PHACTR3: variants seen among roughly 807,000 people sequenced by gnomAD.
PHACTR3 encodes the protein protein phosphatase 1, regulatory subunit 123.
A neutral mutation model predicts 66.8 loss-of-function variants in PHACTR3; 16 were observed. The observed-to-expected ratio is 0.24, with a 90% CI of 0.16 to 0.36. The LOEUF (loss-of-function observed/expected upper bound fraction) is 0.36, where lower values mean the gene tolerates loss of function less well. Among genes scored for constraint, PHACTR3 ranks in the 10% least tolerant of loss-of-function variants. PHACTR3 has a pLI of 1.00. For missense variants in PHACTR3, 647 were observed against 719.9 expected (o/e 0.90, Z 1.16); for synonymous variants, 323 against 292.1 (o/e 1.11, Z -1.08).
At chr20:59,730,959 T>C (rs1404305512) in intron 1 of PHACTR3, among the ~76,000 whole-genome samples, 1 of 152,104 alleles carries the variant, frequency 6.6e-6, no homozygotes, top group African/African-American at 2.4e-5. Flanking sequence ...GAGGGACGCA[T>C]TTTCAAAACA....
chr20:59,635,400 AT>A lies in PHACTR3; in HGVS notation c.118+30275del, dbSNP rs548849458. On this transcript the variant is annotated intron_variant, in intron 1 of 12. Coordinates refer to ENST00000371015, the MANE Select transcript of PHACTR3 (RefSeq NM_080672.5). The stretch of plus-strand genomic sequence containing the variant: ...GGGCGTGCACCACCACACTCGGCTA[AT>A]TTTTTTGTATTTATTAGAGACGGGG... Among the ~76,000 whole-genome samples the A allele has an allele frequency of 1.3e-3, 202 of 150,920 alleles. 1 individual carries two copies. The highest frequency in any genetic ancestry group is 4.4e-3 in the African/African-American group (180 of 41,054).
At chr20:59,585,792 A>G (rs1431554719) in intron 1 of PHACTR3, among the ~76,000 whole-genome samples, 1 of 152,150 alleles carries the variant, frequency 6.6e-6, no homozygotes, top group African/African-American at 2.4e-5. Context: ...TCCTTTAAGT[A>G]CTGTCGCTCT....
intron 7 of PHACTR3, among the ~76,000 whole-genome samples, chr20:59,791,839 C>T (rs1260556809): frequency 1.3e-5 from 2 of 150,328 alleles, no homozygotes; most frequent in African/African-American, 4.9e-5. Context: ...TTTTTGCAAA[C>T]AGGTGGTATA....
In PHACTR3 at chr20:59,685,813, G is replaced by A. The variant is rs186213836; in HGVS notation, c.119-57294G>A. On this transcript the variant is annotated intron_variant, in intron 1 of 12. Coordinates refer to ENST00000371015, the MANE Select transcript of PHACTR3 (RefSeq NM_080672.5). Reference sequence around the variant, plus strand: ...GTGGCTTCCCCGCCTCACATTCCCCGTTACAGTCTGGCCTGATTGTATCTG... The same window carrying A: ...GTGGCTTCCCCGCCTCACATTCCCCATTACAGTCTGGCCTGATTGTATCTG... Among the ~76,000 whole-genome samples the A allele has an allele frequency of 4.6e-5, 7 of 152,280 alleles. No homozygotes were observed. The East Asian group carries it at 9.7e-4, about 21-fold the overall frequency.
At chr20:59,582,684 A>C (rs548110498) in intron 1 of PHACTR3, among the ~76,000 whole-genome samples, 1 of 152,164 alleles carries the variant, frequency 6.6e-6, no homozygotes, top group South Asian at 2.1e-4. Context: ...AGTTTTTCTT[A>C]TGTGACTTGG....
intron 1 of PHACTR3, among the ~76,000 whole-genome samples, chr20:59,689,168 C>T (rs148298736): frequency 7.9e-5 from 12 of 152,260 alleles, no homozygotes; most frequent in African/African-American, 1.4e-4. Context: ...GATTTGCAGG[C>T]GCTGAGGGCA....
intron 1 of PHACTR3, among the ~76,000 whole-genome samples, chr20:59,622,434 A>AT (rs925482781): frequency 2.0e-5 from 3 of 152,114 alleles, no homozygotes; most frequent in African/African-American, 7.2e-5. Flanking sequence ...CCTTTGCAGG[A>AT]TTTTAACATT....
chr20:59,767,509 T>A, intron 5 of PHACTR3, 114 bp downstream of exon 5: 1 of 1,173,894 alleles, frequency 8.5e-7, no homozygotes. Context: ...CATTCACTCA[T>A]CCATCCATCC....
chr20:59,722,120 T>TA (rs2038330722), intron 1 of PHACTR3, among the ~76,000 whole-genome samples: 1 of 152,104 alleles, frequency 6.6e-6, no homozygotes, highest in Admixed American at 6.5e-5. Flanking sequence ...TGGTCCCAGC[T>TA]ACTCGGGAGG....
chr20:59,633,637 A>G (rs1333708542), intron 1 of PHACTR3, among the ~76,000 whole-genome samples: 15 of 152,218 alleles, frequency 9.9e-5, no homozygotes, highest in Admixed American at 9.8e-4. Context: ...TTGTTTTTAG[A>G]AGAAATAAAA....
intron 1 of PHACTR3, among the ~76,000 whole-genome samples, chr20:59,659,242 C>CT (rs1449775426): frequency 6.6e-6 from 1 of 152,078 alleles, no homozygotes; most frequent in Admixed American, 6.5e-5. Context: ...GTTCTTGCTT[C>CT]TTCAGGCATC....
upstream of PHACTR3, among the ~76,000 whole-genome samples, chr20:59,600,386 A>G (rs1270894125): frequency 2.6e-5 from 4 of 152,192 alleles, no homozygotes; most frequent in African/African-American, 9.7e-5. Context: ...TTCCTGGCAA[A>G]GTGACTGTTT....
intron 1 of PHACTR3, among the ~76,000 whole-genome samples, chr20:59,621,093 T>C (rs1179540752): frequency 6.6e-6 from 1 of 152,208 alleles, no homozygotes; most frequent in Non-Finnish European, 1.5e-5. Flanking sequence ...GTCTGAGCTC[T>C]TTCTTGCTTT....
intron 1 of PHACTR3, among the ~76,000 whole-genome samples, chr20:59,635,043 G>C (rs1197883320): frequency 6.6e-6 from 1 of 151,400 alleles, no homozygotes. Context: ...TAAAGGAAAG[G>C]GAGAAGGCTG....
At chr20:59,758,396 T>A (rs1387736346) in intron 4 of PHACTR3, among the ~76,000 whole-genome samples, 2 of 152,188 alleles carry the variant, frequency 1.3e-5, no homozygotes, top group African/African-American at 4.8e-5. Flanking sequence ...AAAATATAAA[T>A]TCACTTAAAG....
At chr20:59,819,320 T>A (rs1266882647) in intron 8 of PHACTR3, among the ~76,000 whole-genome samples, 1 of 152,020 alleles carries the variant, frequency 6.6e-6, no homozygotes, top group Non-Finnish European at 1.5e-5. Context: ...CTTCCTGCTA[T>A]TTTCCAGATC....
At chr20:59,818,912 T>TATCCTCATCATCATTTTC (rs1398156806) in intron 8 of PHACTR3, among the ~76,000 whole-genome samples, 2 of 152,086 alleles carry the variant, frequency 1.3e-5, no homozygotes, top group Non-Finnish European at 2.9e-5. Context: ...TCAACATTTT[T>TATCCTCATCATCATTTTC]ATCCTCATCA....
intron 7 of PHACTR3, among the ~76,000 whole-genome samples, chr20:59,782,379 G>A (rs865889179): frequency 2.0e-4 from 30 of 152,264 alleles, no homozygotes; most frequent in African/African-American, 7.2e-4. Flanking sequence ...AGCCTCCCAA[G>A]TAGCTGGGAT....
intron 1 of PHACTR3, among the ~76,000 whole-genome samples, chr20:59,699,514 G>A (rs899534727): frequency 1.3e-5 from 2 of 152,024 alleles, no homozygotes; most frequent in African/African-American, 4.8e-5. Flanking sequence ...ATTTGGTCTG[G>A]CAAATGGTTT....
Sources: allele counts gnomAD v4.1 joint callset (sites outside exome capture counted in the v4.1 genomes callset), GRCh38; gene constraint gnomAD v4.1.1; transcripts MANE v1.5; gene names NCBI Gene and HGNC (gene_info 2026-07-23, HGNC 2026-07-21).